The following CTNND2 variants were observed in gnomAD, a reference collection of about 807,000 sequenced individuals.
CTNND2 encodes catenin delta-2.
Under a neutral mutation model 144.4 loss-of-function variants are expected in CTNND2, and 22 were observed. That is an observed-to-expected ratio of 0.15 (90% CI 0.11 to 0.22). The LOEUF is 0.22. CTNND2 is among the 10% of genes least tolerant of loss of function. CTNND2 has a pLI of 1.00. For synonymous variants in CTNND2, 751 were observed against 695.6 expected (o/e 1.08, Z -1.25); for missense variants, 1,353 against 1,618.8 (o/e 0.84, Z 2.82).
chr5:11,326,417 G>C (rs928389210), intron 9 of CTNND2, among the ~76,000 whole-genome samples: 3 of 152,154 alleles, frequency 2.0e-5, no homozygotes, highest in African/African-American at 7.2e-5. Context: ...AAGAGAGTCA[G>C]GGAAGGGCCA....
Position 11,903,501 on chromosome 5 carries a change from A to C in CTNND2, c.37+316T>G. 1 of 574,272 alleles carries C rather than the reference A, an allele frequency of 1.7e-6. No individual in the cohort carries two copies. Among genetic ancestry groups the C allele is most frequent in the Non-Finnish European group, 2.4e-6 (1 of 421,860 alleles). 35.6% of individuals were successfully genotyped at this position (574,272 alleles called of 1,614,324 possible). ...CGAGTATGTTCTCAGGGTGGCGGGG[A>C]GCAGCATTGTCGGTGTTGCCCTAAA... On this transcript the variant is annotated intron_variant, in intron 1 of 21. Coordinates refer to ENST00000304623, the MANE Select transcript of CTNND2 (RefSeq NM_001332.4). The surrounding 1 kb of genome is among the most constrained non-coding windows in gnomAD (Gnocchi z 5.4).
At chr5:11,076,689 C>T (rs1051928992) in intron 16 of CTNND2, among the ~76,000 whole-genome samples, 16 of 152,150 alleles carry the variant, frequency 1.1e-4, no homozygotes, top group African/African-American at 3.6e-4. Context: ...AAGGGAGAGG[C>T]AAAGCGTGTT....
Position 11,903,360 on chromosome 5 carries a change from AT to A in CTNND2, c.37+456del. The stretch of plus-strand genomic sequence containing the variant: ...TGGACGCATATGACTAAGTCTTTCC[AT>A]TTTGTTCTAGCCAAACATCGTAATG... On this transcript the variant is annotated intron_variant, in intron 1 of 21. Coordinates refer to ENST00000304623, the MANE Select transcript of CTNND2 (RefSeq NM_001332.4). The surrounding 1 kb of genome is among the most constrained non-coding windows in gnomAD (Gnocchi z 5.4). 1 of 992,110 alleles carries A rather than the reference AT, an allele frequency of 1.0e-6. No individual in the cohort carries two copies. Among genetic ancestry groups the A allele is most frequent in the South Asian group, 4.6e-5 (1 of 21,546 alleles). The allele number at this position is 992,110 out of a possible 1,614,324, so 61.5% of individuals were successfully genotyped here. A position where few individuals can be genotyped will look rare whatever the true frequency, so the allele number is the denominator to read the frequency against.
intron 1 of CTNND2, among the ~76,000 whole-genome samples, chr5:11,797,761 C>G (rs925892714): frequency 2.6e-5 from 4 of 152,252 alleles, no homozygotes; most frequent in Non-Finnish European, 5.9e-5. Flanking sequence ...TTTTATTTAT[C>G]TTCTTGTATC....
At chr5:11,610,123 T>A (rs1379528750) in intron 2 of CTNND2, among the ~76,000 whole-genome samples, 1 of 152,124 alleles carries the variant, frequency 6.6e-6, no homozygotes, top group African/African-American at 2.4e-5. Context: ...TACACTGAGT[T>A]CTCTCTACAT....
At chr5:11,426,630 T>C (rs1411201084) in intron 3 of CTNND2, among the ~76,000 whole-genome samples, 1 of 152,196 alleles carries the variant, frequency 6.6e-6, no homozygotes, top group Non-Finnish European at 1.5e-5. Context: ...CTCAAGTCAG[T>C]ACAAGGTAAA....
intron 16 of CTNND2, among the ~76,000 whole-genome samples, chr5:11,061,966 C>T (rs537620934): frequency 6.4e-4 from 97 of 152,300 alleles, no homozygotes; most frequent in Admixed American, 5.8e-3. Flanking sequence ...GCCTCGGCCT[C>T]CCAAAGAGCT....
chr5:11,041,686 TAA>T (rs1163873736), intron 16 of CTNND2, among the ~76,000 whole-genome samples: 2 of 152,174 alleles, frequency 1.3e-5, no homozygotes, highest in Non-Finnish European at 2.9e-5. Context: ...TGTCTACTGA[TAA>T]TAAACAAATT....
intron 9 of CTNND2, among the ~76,000 whole-genome samples, chr5:11,313,509 G>A (rs889799482): frequency 1.3e-5 from 2 of 152,148 alleles, no homozygotes; most frequent in Non-Finnish European, 2.9e-5. Flanking sequence ...GCATTCCTGA[G>A]CCCCATTTCA....
At chr5:11,398,606 G>A (rs1336003101) in intron 5 of CTNND2, among the ~76,000 whole-genome samples, 1 of 151,846 alleles carries the variant, frequency 6.6e-6, no homozygotes, top group Non-Finnish European at 1.5e-5. Context: ...AGGTAAGCAA[G>A]GAAATAAAAG....
chr5:11,182,602 G>A (rs192919098), intron 11 of CTNND2, among the ~76,000 whole-genome samples: 18 of 151,502 alleles, frequency 1.2e-4, no homozygotes, highest in Non-Finnish European at 2.1e-4. Flanking sequence ...CTTCCCACCC[G>A]CAACTCTTAC....
chr5:11,364,566 G>T, intron 8 of CTNND2, 130 bp downstream of exon 8: 2 of 622,352 alleles, frequency 3.2e-6, no homozygotes, highest in Non-Finnish European at 5.2e-6. Context: ...GACATTGATA[G>T]AAGCAGGTCA....
At chr5:11,804,588 C>T (rs975434316) in intron 1 of CTNND2, among the ~76,000 whole-genome samples, 1 of 152,030 alleles carries the variant, frequency 6.6e-6, no homozygotes, top group Non-Finnish European at 1.5e-5. Context: ...GGAAAGAAGA[C>T]AATTTGAAAA....
intron 3 of CTNND2, among the ~76,000 whole-genome samples, chr5:11,523,023 A>G (rs1772893547): frequency 6.6e-6 from 1 of 152,214 alleles, no homozygotes; most frequent in African/African-American, 2.4e-5. Flanking sequence ...GCATGGTTGG[A>G]TGCGATGGGC....
chr5:11,142,200 T>A (rs1756801240), intron 12 of CTNND2, among the ~76,000 whole-genome samples: 1 of 152,184 alleles, frequency 6.6e-6, no homozygotes, highest in South Asian at 2.1e-4. Flanking sequence ...AAATAGATGA[T>A]AACTTGCTCA....
At chr5:11,164,229 C>T (rs575668999) in intron 11 of CTNND2, among the ~76,000 whole-genome samples, 2 of 152,278 alleles carry the variant, frequency 1.3e-5, no homozygotes, top group South Asian at 4.1e-4. Context: ...GCCCTCCTAC[C>T]TTAGTCATAC....
At chr5:11,477,783 T>C (rs1241369409) in intron 3 of CTNND2, among the ~76,000 whole-genome samples, 1 of 152,166 alleles carries the variant, frequency 6.6e-6, no homozygotes, top group Non-Finnish European at 1.5e-5. Context: ...CAATAATCTA[T>C]GAGGGATTCC....
At chr5:11,371,761 T>C in intron 7 of CTNND2, among the ~76,000 whole-genome samples, 1 of 152,236 alleles carries the variant, frequency 6.6e-6, no homozygotes, top group East Asian at 1.9e-4. Context: ...CATGTTGTTA[T>C]AAATGCAAAG....
At chr5:11,164,542 T>A (rs183104280) in intron 11 of CTNND2, among the ~76,000 whole-genome samples, 1 of 152,158 alleles carries the variant, frequency 6.6e-6, no homozygotes, top group Non-Finnish European at 1.5e-5. Flanking sequence ...AAACAAAAAA[T>A]CCCTGTGCTG....
Sources: gnomAD v4.1 joint callset for allele counts (sites outside exome capture counted in the v4.1 genomes callset) on GRCh38, gnomAD v4.1.1 for gene constraint, Gnocchi (gnomAD v3.1) non-coding constraint, MANE v1.5 for transcripts, NCBI Gene and HGNC (gene_info 2026-07-23, HGNC 2026-07-21) for gene names.